FGGY: variants seen among roughly 807,000 people sequenced by gnomAD.
The protein encoded by FGGY is FGGY carbohydrate kinase domain-containing protein.
FGGY carries 72 observed loss-of-function variants against 71.3 expected under a neutral mutation model. The observed-to-expected ratio is 1.01, with a 90% CI of 0.84 to 1.23. The LOEUF (loss-of-function observed/expected upper bound fraction) is 1.23. Among genes scored for constraint, FGGY ranks in the 50% most tolerant of loss-of-function variants. The probability of loss-of-function intolerance (pLI) is 0.00; values close to 1 mark genes in which losing one functional copy is unlikely to be tolerated. For missense variants in FGGY, 668 were observed against 682.3 expected, an observed-to-expected ratio of 0.98 and a Z score of 0.23; for synonymous variants, 251 against 250.3, an observed-to-expected ratio of 1.00 and a Z score of -0.02.
chr1:59,617,342 C>T (rs1238159942), intron 9 of FGGY, among the ~76,000 whole-genome samples: 1 of 151,984 alleles, frequency 6.6e-6, no homozygotes, highest in East Asian at 1.9e-4. Flanking sequence ...CTCATTTTTA[C>T]AATTAAATGC....
chr1:59,758,106 T>C, intron 15 of FGGY, 114 bp downstream of exon 15: 1 of 680,382 alleles, frequency 1.5e-6, no homozygotes. Flanking sequence ...TCCTTTAATT[T>C]GTGGTTAAGA....
intron 11 of FGGY, among the ~76,000 whole-genome samples, chr1:59,647,715 C>A (rs997619119): frequency 6.3e-4 from 94 of 150,308 alleles, no homozygotes; most frequent in African/African-American, 2.2e-3. Context: ...CTCCGGCATT[C>A]CTGGGCCCAC....
chr1:59,594,738 A>C (rs1315141921), intron 8 of FGGY, among the ~76,000 whole-genome samples: 2 of 152,228 alleles, frequency 1.3e-5, no homozygotes, highest in African/African-American at 2.4e-5. Flanking sequence ...GGCCAATGGC[A>C]AATAAGCCCA....
chr1:59,441,989 C>T (rs776624329), intron 5 of FGGY, among the ~76,000 whole-genome samples: 29 of 152,168 alleles, frequency 1.9e-4, no homozygotes, highest in Non-Finnish European at 4.1e-4. Context: ...CTGCTACTCC[C>T]AAGTGAAGCT....
chr1:59,592,466 G>T lies in FGGY; in HGVS notation c.904-15337G>T, dbSNP rs376602438. ...ACCCAAAGGACTATAAATCATGCTG[G>T]TATAAAGACACATGCACACATATGT... On this transcript the variant is annotated intron_variant, in intron 8 of 15. Coordinates refer to ENST00000303721, the MANE Select transcript of FGGY (RefSeq NM_018291.5). Among the ~76,000 whole-genome samples the T allele has an allele frequency of 7.2e-5, 11 of 151,992 alleles. No homozygotes were observed. In the East Asian group the frequency reaches 9.7e-4, roughly 13 times the overall value.
intron 6 of FGGY, among the ~76,000 whole-genome samples, chr1:59,469,432 C>T (rs1204904512): frequency 6.6e-6 from 1 of 152,168 alleles, no homozygotes; most frequent in Non-Finnish European, 1.5e-5. Flanking sequence ...GGGGGCTTGG[C>T]TTTATCAGAA....
intron 2 of FGGY, among the ~76,000 whole-genome samples, chr1:59,337,280 A>G (rs2049797135): frequency 6.6e-6 from 1 of 152,126 alleles, no homozygotes; most frequent in African/African-American, 2.4e-5. Context: ...CCTAGAGTCC[A>G]AAGGAAGATG....
At chr1:59,360,822 T>C (rs1056397895) in intron 4 of FGGY, among the ~76,000 whole-genome samples, 1 of 152,286 alleles carries the variant, frequency 6.6e-6, no homozygotes, top group Admixed American at 6.5e-5. Context: ...TTTTTAATCG[T>C]CCGGAAGACT....
At chr1:59,551,806 A>T (rs2095612419) in intron 7 of FGGY, among the ~76,000 whole-genome samples, 1 of 152,230 alleles carries the variant, frequency 6.6e-6, no homozygotes, top group African/African-American at 2.4e-5. Flanking sequence ...TTGTAAGAAT[A>T]AAATGAGACA....
At chr1:59,592,123 A>G (rs2096454288) in intron 8 of FGGY, among the ~76,000 whole-genome samples, 1 of 152,258 alleles carries the variant, frequency 6.6e-6, no homozygotes, top group Admixed American at 6.5e-5. Flanking sequence ...AAGTGGGCAA[A>G]GGACATGAAC....
intron 4 of FGGY, among the ~76,000 whole-genome samples, chr1:59,375,265 GAAAAAA>G (rs1289366742): frequency 2.0e-5 from 2 of 99,832 alleles, no homozygotes; most frequent in Admixed American, 2.4e-4. Flanking sequence ...TCTCAAAAAA[GAAAAAA>G]AAAAAAAAAA....
intron 5 of FGGY, among the ~76,000 whole-genome samples, chr1:59,425,747 T>C (rs2066252751): frequency 6.6e-6 from 1 of 152,238 alleles, no homozygotes; most frequent in Non-Finnish European, 1.5e-5. Context: ...TCCTTGAGCA[T>C]GTCAAGTTCT....
intron 14 of FGGY, among the ~76,000 whole-genome samples, chr1:59,694,799 A>G (rs921600316): frequency 1.3e-5 from 2 of 151,532 alleles, no homozygotes; most frequent in African/African-American, 2.4e-5. Context: ...AGCTGGGACT[A>G]TGGATGTACT....
At chr1:59,453,729 T>C (rs57352277) in intron 5 of FGGY, among the ~76,000 whole-genome samples, 9,347 of 152,126 alleles carry the variant, frequency 0.061, 972 homozygotes, top group African/African-American at 0.21. Context: ...ACACATAGAA[T>C]CTCTTGAGGC....
At chr1:59,712,785 G>T (rs894894413) in intron 14 of FGGY, among the ~76,000 whole-genome samples, 2 of 152,166 alleles carry the variant, frequency 1.3e-5, no homozygotes, top group Non-Finnish European at 2.9e-5. Flanking sequence ...AGGCCTCCAG[G>T]CTTGTGATGG....
In FGGY at chr1:59,717,389, C is replaced by T. The variant is rs116153104; in HGVS notation, c.1513-40542C>T. 1.8e-3 allele frequency among the ~76,000 whole-genome samples: 267 copies of T among 152,208 alleles called. 1 individual carries two copies. The highest frequency in any genetic ancestry group is 6.2e-3 in the African/African-American group (258 of 41,520). On this transcript the variant is annotated intron_variant, in intron 14 of 15. Transcript: ENST00000303721. ...ATTAAAGACCTTACACTACCTGGAC[C>T]ACTCTGATACTGCCCACCACAGGCA... is the stretch of plus-strand genomic sequence containing the variant.
At chr1:59,314,240 C>T (rs1174315294) in intron 1 of FGGY, among the ~76,000 whole-genome samples, 2 of 152,192 alleles carry the variant, frequency 1.3e-5, no homozygotes, top group Non-Finnish European at 2.9e-5. Flanking sequence ...GCTGGGATTA[C>T]AGGCGTGAGC....
At chr1:59,362,707 G>T (rs992136563) in intron 4 of FGGY, among the ~76,000 whole-genome samples, 1 of 152,074 alleles carries the variant, frequency 6.6e-6, no homozygotes, top group African/African-American at 2.4e-5. Flanking sequence ...CCACAGCACT[G>T]TCTCCTTCAT....
intron 14 of FGGY, among the ~76,000 whole-genome samples, chr1:59,693,734 C>T (rs1201937081): frequency 2.0e-5 from 3 of 152,024 alleles, no homozygotes; most frequent in African/African-American, 4.8e-5. Context: ...TGGCCAGGCT[C>T]GGTGGCTCAC....
Sources: allele counts gnomAD v4.1 joint callset (sites outside exome capture counted in the v4.1 genomes callset), GRCh38; gene constraint gnomAD v4.1.1; transcripts MANE v1.5; gene names NCBI Gene and HGNC (gene_info 2026-07-23, HGNC 2026-07-21).